The following RELN variants were observed in gnomAD, a reference collection of about 807,000 sequenced individuals.
RELN encodes the protein reelin.
Under a neutral mutation model 427.6 loss-of-function variants are expected in RELN, and 108 were observed. The ratio of observed to expected loss-of-function variants is 0.25; its 90% CI spans 0.22 to 0.30. RELN has a LOEUF of 0.30. Ranked by LOEUF, RELN falls within the 10% of genes least tolerant of loss-of-function variation. The pLI is 1.00. For missense variants in RELN, 3,715 were observed against 4,302.8 expected, an observed-to-expected ratio of 0.86 and a Z score of 3.82; for synonymous variants, 1,524 against 1,513.4, an observed-to-expected ratio of 1.01 and a Z score of -0.16.
Position 103,557,058 on chromosome 7 carries a change from T to C in RELN, c.5716A>G (p.Ile1906Val), listed in dbSNP as rs762674133. ...GGCAAGGGAACATTGATGAAAAGTA[T>C]ATTCGTTGTTTGAGGAAAGTAAAAT... ...DEFYFPQTTN[I>V]LFINVPLPYT... Residue 1906 changes from isoleucine to valine, a missense_variant, in exon 38 of 65, where the codon ATA becomes GTA. Coordinates refer to ENST00000428762, the MANE Select transcript of RELN (RefSeq NM_005045.4). 10 of 1,613,598 alleles carry C rather than the reference T, an allele frequency of 6.2e-6. No homozygotes were observed. The highest frequency in any genetic ancestry group is 1.7e-5 in the Admixed American group (1 of 60,030).
At chr7:103,919,133 C>G (rs201927088) in intron 1 of RELN, among the ~76,000 whole-genome samples, 1 of 101,366 alleles carries the variant, frequency 9.9e-6, no homozygotes, top group South Asian at 3.4e-4. Flanking sequence ...GATAATCGGT[C>G]TTTTTTTTTT....
chr7:103,561,336 G>T (rs1830636877), intron 36 of RELN, among the ~76,000 whole-genome samples, 196 bp downstream of exon 36: 1 of 152,152 alleles, frequency 6.6e-6, no homozygotes, highest in South Asian at 2.1e-4. Context: ...AAGCAGAGGA[G>T]AAATTTTATG....
intron 28 of RELN, among the ~76,000 whole-genome samples, chr7:103,584,706 A>C (rs1831230206): frequency 6.6e-6 from 1 of 152,248 alleles, no homozygotes; most frequent in Admixed American, 6.5e-5. Flanking sequence ...ACTCTATGCC[A>C]AATGGACATA....
At chr7:103,476,881 A>G (rs3808045) in intron 64 of RELN, among the ~76,000 whole-genome samples, 27,660 of 152,140 alleles carry the variant, frequency 0.18, 2,757 homozygotes, top group African/African-American at 0.27. Context: ...AAGAAGTGCA[A>G]TGAACTTTTA....
chr7:103,807,597 A>G (rs1336246813), intron 3 of RELN, among the ~76,000 whole-genome samples: 3 of 151,986 alleles, frequency 2.0e-5, no homozygotes, highest in East Asian at 1.9e-4. Context: ...TAGCCTGCCA[A>G]TCTAGGCTTC....
intron 2 of RELN, among the ~76,000 whole-genome samples, chr7:103,876,563 C>T (rs1387850168): frequency 1.3e-5 from 2 of 152,034 alleles, no homozygotes; most frequent in Admixed American, 6.6e-5. Flanking sequence ...ATTAGTAATA[C>T]TTTATATTAT....
intron 3 of RELN, among the ~76,000 whole-genome samples, chr7:103,810,403 A>G (rs1190511882): frequency 6.6e-6 from 1 of 152,328 alleles, no homozygotes; most frequent in East Asian, 1.9e-4. Flanking sequence ...GGTCTTAACA[A>G]TCATCACGAC....
chr7:103,924,468 T>C (rs889340857), intron 1 of RELN, among the ~76,000 whole-genome samples: 2 of 152,114 alleles, frequency 1.3e-5, no homozygotes, highest in African/African-American at 4.8e-5. Context: ...GAGAATGCCG[T>C]GCAAATGCTT....
At chr7:103,494,365 T>TTTTGTGTGTGTGTGTGTGTGTGTGTGTG (rs1828762534) in intron 57 of RELN, among the ~76,000 whole-genome samples, 4 of 118,308 alleles carry the variant, frequency 3.4e-5, no homozygotes, top group African/African-American at 1.4e-4. Flanking sequence ...GTAATGACTT[T>TTTTGTGTGTGTGTGTGTGTGTGTGTGTG]TGTGTGTGTG....
At chr7:103,630,846 TTTTTGTTTTTTTTG>T (rs1562930863) in intron 19 of RELN, among the ~76,000 whole-genome samples, 2 of 69,030 alleles carry the variant, frequency 2.9e-5, no homozygotes, top group Non-Finnish European at 5.5e-5. Context: ...CTGAGTTATT[TTTTTGTTTTTTTTG>T]TTTTTTTTTT....
intron 52 of RELN, among the ~76,000 whole-genome samples, chr7:103,502,716 C>T (rs557346700): frequency 2.0e-5 from 3 of 152,264 alleles, no homozygotes; most frequent in South Asian, 4.2e-4. Context: ...GTAGGGTACA[C>T]CTTTTCATCT....
Position 103,542,785 on chromosome 7 carries a change from T to C in RELN, c.6617A>G (p.Asn2206Ser), listed in dbSNP as rs1830201721. 1 of 1,614,162 alleles carries C rather than the reference T, an allele frequency of 6.2e-7. No individual in the cohort carries two copies. Among genetic ancestry groups the C allele is most frequent in the Non-Finnish European group, 8.5e-7 (1 of 1,180,016 alleles). The change falls in exon 43 of 65, where the codon AAT becomes AGT. Residue 2206 changes from asparagine (N) to serine (S), a missense_variant. Asn to Ser is a conservative substitution (Grantham distance 46). This residue lies in a region of RELN where 1,310 missense variants were observed against 1,643.0 expected (regional missense o/e 0.80). Coordinates refer to ENST00000428762, the MANE Select transcript of RELN (RefSeq NM_005045.4). Reference sequence around the variant, plus strand: ...CATCAACATGCGCAAGCCATCTTCATTGAAAAAGAGGTTGTTTCCACTAGA... The same window carrying C: ...CATCAACATGCGCAAGCCATCTTCACTGAAAAAGAGGTTGTTTCCACTAGA... ...ILSSGNNLFF[N>S]EDGLRMLMTR...
intron 11 of RELN, among the ~76,000 whole-genome samples, chr7:103,681,561 G>T (rs551705530): frequency 4.7e-4 from 72 of 152,084 alleles, no homozygotes; most frequent in Non-Finnish European, 8.7e-4. Flanking sequence ...TTAAGACCCA[G>T]AAGAAGGCAC....
intron 9 of RELN, among the ~76,000 whole-genome samples, chr7:103,698,676 C>CTAATTT (rs1353791809): frequency 2.0e-5 from 3 of 152,128 alleles, no homozygotes; most frequent in Middle Eastern, 3.4e-3. Flanking sequence ...CCATGCCCAG[C>CTAATTT]TAATTTTTAT....
In RELN at chr7:103,539,335, G is replaced by A. The variant is rs2117127131; in HGVS notation, c.6931-8C>T. On this transcript the variant is annotated splice_polypyrimidine_tract_variant and splice_region_variant and intron_variant, in intron 44 of 64. Transcript: ENST00000428762. Reference sequence around the variant, plus strand: ...ATTTCCTCCAATAAGAATCTGAAATGTATTTTTAAAAAATCCCAAATTTTC... The same window carrying A: ...ATTTCCTCCAATAAGAATCTGAAATATATTTTTAAAAAATCCCAAATTTTC... 1 of 1,613,352 alleles carries A rather than the reference G, an allele frequency of 6.2e-7. No homozygotes were observed. Among genetic ancestry groups the A allele is most frequent in the Non-Finnish European group, 8.5e-7 (1 of 1,179,392 alleles).
At chr7:103,553,330 C>A in intron 40 of RELN, 131 bp downstream of exon 40, 2 of 699,796 alleles carry the variant, frequency 2.9e-6, no homozygotes, top group Non-Finnish European at 5.0e-6. Context: ...ATTATGATGC[C>A]AAAATCTCTT....
Position 103,594,372 on chromosome 7 carries a change from C to T in RELN, c.3660G>A (p.Leu1220=), listed in dbSNP as rs775993070. ...DQWAVDDIII[L]SEKQKQIIPV... Reference sequence around the variant, plus strand: ...GGATGATCTGCTTCTGCTTCTCGGACAGAATGATGATGTCATCGACTGCCC... The same window carrying T: ...GGATGATCTGCTTCTGCTTCTCGGATAGAATGATGATGTCATCGACTGCCC... The change falls in exon 26 of 65, where the codon CTG becomes CTA. Residue 1220 remains leucine (L), a synonymous_variant. Coordinates refer to ENST00000428762, the MANE Select transcript of RELN (RefSeq NM_005045.4). 1.2e-6 allele frequency: 2 copies of T among 1,614,012 alleles called. No individual in the cohort carries two copies. Among genetic ancestry groups the T allele is most frequent in the Non-Finnish European group, 1.7e-6 (2 of 1,179,938 alleles).
At chr7:103,478,549 G>T in intron 63 of RELN, 155 bp from the exon 64 acceptor site, 4 of 654,566 alleles carry the variant, frequency 6.1e-6, no homozygotes, top group Non-Finnish European at 5.5e-6. Context: ...AATTAAAGAA[G>T]TTATTTCTTA....
At chr7:103,581,951 A>G (rs141534649) in intron 28 of RELN, among the ~76,000 whole-genome samples, 1 of 152,320 alleles carries the variant, frequency 6.6e-6, no homozygotes, top group Non-Finnish European at 1.5e-5. Context: ...CATGAGAGAT[A>G]ATAAATCATT....
Sources: gnomAD v4.1 joint callset for allele counts (sites outside exome capture counted in the v4.1 genomes callset) on GRCh38, gnomAD v4.1.1 for gene constraint, gnomAD v4.1.1 regional missense constraint, MANE v1.5 for transcripts, NCBI Gene and HGNC (gene_info 2026-07-23, HGNC 2026-07-21) for gene names.